The following NBEA variants were observed in gnomAD, a reference collection of about 807,000 sequenced individuals.
The protein encoded by NBEA is neurobeachin, also known as lysosomal-trafficking regulator 2.
In NBEA, 44 loss-of-function variants were observed where a neutral mutation model predicts 343.4. That is an observed-to-expected ratio of 0.13 (90% CI 0.10 to 0.16). NBEA has a LOEUF of 0.16. Ranked by LOEUF, NBEA falls within the 10% of genes least tolerant of loss-of-function variation. NBEA has a pLI of 1.00. For missense variants in NBEA, 2,555 were observed against 3,631.3 expected, an observed-to-expected ratio of 0.70 and a Z score of 7.62; for synonymous variants, 1,175 against 1,238.7, an observed-to-expected ratio of 0.95 and a Z score of 1.08.
chr13:35,367,554 GT>G (rs11316543), intron 38 of NBEA, among the ~76,000 whole-genome samples: 47,245 of 143,500 alleles, frequency 0.33, 10,327 homozygotes, highest in African/African-American at 0.63. Context: ...TGTTGTTGTT[GT>G]TTTTTTTTTT....
intron 34 of NBEA, among the ~76,000 whole-genome samples, chr13:35,234,371 G>A (rs2075124962): frequency 6.6e-6 from 1 of 152,154 alleles, no homozygotes; most frequent in Non-Finnish European, 1.5e-5. Flanking sequence ...GCCGCAGATT[G>A]TGTGTGTAAT....
At chr13:35,604,222 CA>C (rs1183736790) in intron 47 of NBEA, among the ~76,000 whole-genome samples, 1 of 152,176 alleles carries the variant, frequency 6.6e-6, no homozygotes, top group African/African-American at 2.4e-5. Context: ...GGCAAATGAA[CA>C]TGTGTTTTCT....
In NBEA at chr13:35,184,086, A is replaced by G; in HGVS notation, c.4927+15A>G. 6.4e-7 allele frequency: 1 copy of G among 1,557,210 alleles called. No homozygotes were observed. On this transcript the variant is annotated intron_variant, in intron 30 of 58. Coordinates refer to ENST00000379939, the MANE Select transcript of NBEA (RefSeq NM_001385012.1). ...ATTTTACAAAGGTAATACTGACCTC[A>G]TCTCCTGACCTGTTTGGGTATTCTT...
intron 17 of NBEA, among the ~76,000 whole-genome samples, chr13:35,124,356 T>G (rs1299907635): frequency 6.6e-6 from 1 of 151,248 alleles, no homozygotes; most frequent in African/African-American, 2.4e-5. Flanking sequence ...ACAAGCTGTA[T>G]AGCCTAGAAG....
intron 45 of NBEA, among the ~76,000 whole-genome samples, chr13:35,567,273 C>T (rs1357275003): frequency 2.0e-5 from 3 of 152,062 alleles, no homozygotes; most frequent in Non-Finnish European, 2.9e-5. Flanking sequence ...CTCATATATC[C>T]TAGGCTTTAA....
intron 53 of NBEA, among the ~76,000 whole-genome samples, chr13:35,652,501 C>G (rs537170339): frequency 1.1e-3 from 166 of 150,468 alleles, no homozygotes; most frequent in Middle Eastern, 3.5e-3. Context: ...ATTAGCCAGG[C>G]GCGGTGGCGG....
At chr13:35,068,570 A>G (rs929809004) in intron 8 of NBEA, among the ~76,000 whole-genome samples, 1 of 152,068 alleles carries the variant, frequency 6.6e-6, no homozygotes, top group African/African-American at 2.4e-5. Context: ...TCCTCATTCA[A>G]AAAAAAGTAT....
At chr13:35,433,686 GA>G (rs1480713107) in intron 39 of NBEA, among the ~76,000 whole-genome samples, 6 of 151,738 alleles carry the variant, frequency 4.0e-5, no homozygotes, top group East Asian at 1.9e-4. Flanking sequence ...AGTAACTATG[GA>G]AAAAATATGC....
At chr13:35,439,592 A>G (rs2045625262) in intron 39 of NBEA, among the ~76,000 whole-genome samples, 1 of 152,220 alleles carries the variant, frequency 6.6e-6, no homozygotes. Context: ...ATTCCTAGAT[A>G]AAACAAAAAC....
intron 46 of NBEA, among the ~76,000 whole-genome samples, chr13:35,592,809 A>G (rs1400819464): frequency 6.6e-6 from 1 of 152,086 alleles, no homozygotes; most frequent in Non-Finnish European, 1.5e-5. Flanking sequence ...TTTGCATTTT[A>G]AAAACATTAT....
chr13:35,384,669 G>A (rs2042161914), intron 38 of NBEA, among the ~76,000 whole-genome samples: 1 of 151,706 alleles, frequency 6.6e-6, no homozygotes, highest in Non-Finnish European at 1.5e-5. Context: ...AGAATTACAA[G>A]CACCTGCCAT....
intron 1 of NBEA, among the ~76,000 whole-genome samples, chr13:34,999,736 A>G (rs986641253): frequency 6.6e-6 from 1 of 152,096 alleles, no homozygotes; most frequent in Non-Finnish European, 1.5e-5. Flanking sequence ...CAACAACCTT[A>G]TGAGGTAGAC....
intron 10 of NBEA, among the ~76,000 whole-genome samples, chr13:35,093,992 TAA>T (rs940245994): frequency 3.3e-5 from 5 of 151,830 alleles, no homozygotes; most frequent in African/African-American, 1.2e-4. Context: ...TATAGTAATA[TAA>T]GAGATTTATA....
chr13:35,608,699 C>T (rs556177613), intron 48 of NBEA, among the ~76,000 whole-genome samples: 4 of 152,148 alleles, frequency 2.6e-5, no homozygotes, highest in Non-Finnish European at 5.9e-5. Context: ...TCCTTCACTC[C>T]GGCAAGCAAA....
At chr13:35,158,883 A>G (rs962828593) in intron 21 of NBEA, 133 bp from the exon 22 acceptor site, 2 of 774,986 alleles carry the variant, frequency 2.6e-6, no homozygotes, top group Non-Finnish European at 3.9e-6. Context: ...CTTTAGGACT[A>G]ACAAATGCCA....
intron 36 of NBEA, among the ~76,000 whole-genome samples, chr13:35,348,734 G>A (rs1029006027): frequency 2.0e-5 from 3 of 151,958 alleles, no homozygotes; most frequent in African/African-American, 7.2e-5. Flanking sequence ...TAAGAATCTA[G>A]TCTGTTGATT....
intron 49 of NBEA, among the ~76,000 whole-genome samples, chr13:35,635,122 G>A (rs2083640686): frequency 6.6e-6 from 1 of 152,016 alleles, no homozygotes; most frequent in Non-Finnish European, 1.5e-5. Context: ...TAATTTAAGG[G>A]CCCATAATGA....
chr13:35,356,717 C>T (rs1474977884), intron 38 of NBEA, among the ~76,000 whole-genome samples: 2 of 152,082 alleles, frequency 1.3e-5, no homozygotes, highest in Non-Finnish European at 2.9e-5. Context: ...TTCACCATTA[C>T]GTCTGACCTC....
At chr13:35,140,091 A>G (rs192727550) in intron 17 of NBEA, among the ~76,000 whole-genome samples, 4 of 152,134 alleles carry the variant, frequency 2.6e-5, no homozygotes, top group African/African-American at 7.2e-5. Context: ...GCACAAGCTC[A>G]CTGCAGCCTT....
Sources: allele counts gnomAD v4.1 joint callset (sites outside exome capture counted in the v4.1 genomes callset), GRCh38; gene constraint gnomAD v4.1.1; transcripts MANE v1.5; gene names NCBI Gene and HGNC (gene_info 2026-07-23, HGNC 2026-07-21).